RAPGEF1: variants seen among roughly 807,000 people sequenced by gnomAD.
The protein encoded by RAPGEF1 is Rap guanine nucleotide exchange factor 1, also known as CRK SH3-binding GNRP.
A neutral mutation model predicts 143.3 loss-of-function variants in RAPGEF1; 33 were observed. That is an observed-to-expected ratio of 0.23 (90% confidence interval 0.17 to 0.31). The LOEUF is 0.31. RAPGEF1 is among the 10% of genes least tolerant of loss of function. The pLI is 1.00. For missense variants in RAPGEF1, 1,199 were observed against 1,645.4 expected (o/e 0.73, Z 4.69); for synonymous variants, 629 against 676.5 (o/e 0.93, Z 1.09).
At chr9:131,666,433 C>G (rs2130660944) in intron 1 of RAPGEF1, among the ~76,000 whole-genome samples, 1 of 152,124 alleles carries the variant, frequency 6.6e-6, no homozygotes, top group East Asian at 1.9e-4. Flanking sequence ...GTCCCCCAGA[C>G]TGGAGTGCAG....
chr9:131,613,345 G>A (rs548402163), intron 12 of RAPGEF1, among the ~76,000 whole-genome samples: 3 of 152,264 alleles, frequency 2.0e-5, no homozygotes, highest in Non-Finnish European at 2.9e-5. Context: ...GGACAGGTTC[G>A]TGGTAAGGTG....
intron 1 of RAPGEF1, among the ~76,000 whole-genome samples, chr9:131,653,558 G>A (rs1380492032): frequency 2.0e-4 from 31 of 152,164 alleles, no homozygotes; most frequent in Admixed American, 1.9e-3. Context: ...ATGGAAAGAC[G>A]GTCAACATAA....
intron 1 of RAPGEF1, 102 bp downstream of exon 1, chr9:131,739,668 C>G: frequency 1.1e-6 from 1 of 894,348 alleles, no homozygotes; most frequent in Non-Finnish European, 1.4e-6. Flanking sequence ...CCCCGGCGCA[C>G]GGAGGGCCGC....
chr9:131,615,275 C>T lies in RAPGEF1; in HGVS notation c.2061+3776G>A, dbSNP rs192498023. Among the ~76,000 whole-genome samples, 14 of 152,328 alleles carry T rather than the reference C, an allele frequency of 9.2e-5. No individual in the cohort carries two copies. The East Asian group carries it at 1.2e-3, about 13-fold the overall frequency. On this transcript the variant is annotated intron_variant, in intron 12 of 26. Transcript: ENST00000683357. The stretch of plus-strand genomic sequence containing the variant: ...ATTTTCAGTAGAGCCGGGGTTTCAC[C>T]GTCTTAGCCGGGATGGTCTTGATTT...
At chr9:131,656,306 G>T (rs1478688467) in intron 1 of RAPGEF1, among the ~76,000 whole-genome samples, 1 of 152,158 alleles carries the variant, frequency 6.6e-6, no homozygotes, top group East Asian at 1.9e-4. Context: ...TAGCCTATTA[G>T]TCTATTTCCC....
In RAPGEF1 at chr9:131,650,998, ATGGTTCAT is replaced by A. The variant is rs775701984; in HGVS notation, c.62-57_62-50del. On this transcript the variant is annotated intron_variant, in intron 1 of 26. Transcript: ENST00000683357. The surrounding 1 kb of genome is among the most constrained non-coding windows in gnomAD (Gnocchi z 4.7). ...TGTTAGATGGGAGTGGGAAGAAGCG[ATGGTTCAT>A]TGACCTTTTGTGGAAATGAGCAATG... 1.8e-5 allele frequency: 28 copies of A among 1,590,050 alleles called. No individual in the cohort carries two copies. The highest frequency in any genetic ancestry group is 2.4e-5 in the Non-Finnish European group (28 of 1,165,052).
chr9:131,620,428 C>T (rs1960524596), intron 11 of RAPGEF1, among the ~76,000 whole-genome samples: 1 of 152,166 alleles, frequency 6.6e-6, no homozygotes. Context: ...TCTAACCAAA[C>T]ATTTTAGGCA....
At chr9:131,688,923 C>A (rs1833573518) in intron 1 of RAPGEF1, among the ~76,000 whole-genome samples, 1 of 152,084 alleles carries the variant, frequency 6.6e-6, no homozygotes, top group Non-Finnish European at 1.5e-5. Context: ...AACAAGGAAA[C>A]AATAAGCTTC....
At chr9:131,721,400 T>C (rs1836254929) in intron 1 of RAPGEF1, among the ~76,000 whole-genome samples, 3 of 152,104 alleles carry the variant, frequency 2.0e-5, no homozygotes, top group South Asian at 4.1e-4. Context: ...GATATCTAAC[T>C]AAGAGGCTAG....
intron 1 of RAPGEF1, among the ~76,000 whole-genome samples, chr9:131,688,930 C>T (rs1833574235): frequency 6.6e-6 from 1 of 152,116 alleles, no homozygotes; most frequent in Non-Finnish European, 1.5e-5. Flanking sequence ...AAACAATAAG[C>T]TTCACCTTGG....
At chr9:131,600,618 T>C (rs1956112265) in intron 15 of RAPGEF1, among the ~76,000 whole-genome samples, 1 of 152,152 alleles carries the variant, frequency 6.6e-6, no homozygotes, top group East Asian at 1.9e-4. Context: ...TGCTGAGCCC[T>C]GATAATGACA....
chr9:131,737,510 C>T, intron 1 of RAPGEF1: 1 of 1,613,034 alleles, frequency 6.2e-7, no homozygotes, highest in Non-Finnish European at 8.5e-7. Context: ...ATCTACAACC[C>T]CCTAGCAGAA....
At chr9:131,626,530 G>T in intron 9 of RAPGEF1, 108 bp from the exon 10 acceptor site, 1 of 1,134,392 alleles carries the variant, frequency 8.8e-7, no homozygotes, top group Non-Finnish European at 1.2e-6. Flanking sequence ...GTGTGACAAA[G>T]ACCTGTCTCC....
intron 11 of RAPGEF1, among the ~76,000 whole-genome samples, chr9:131,620,236 G>A (rs1454253196): frequency 1.3e-5 from 2 of 151,654 alleles, no homozygotes; most frequent in African/African-American, 4.9e-5. Context: ...ATGGCAAATG[G>A]GCCGAAAATA....
Position 131,675,018 on chromosome 9 carries a change from T to C in RAPGEF1, c.62-24069A>G, listed in dbSNP as rs899041692. On this transcript the variant is annotated intron_variant, in intron 1 of 26. Coordinates refer to ENST00000683357, the MANE Select transcript of RAPGEF1 (RefSeq NM_001377935.1). This position sits in a 1 kb window ranked among gnomAD's most constrained non-coding sequence, Gnocchi z 4.6. Reference sequence around the variant, plus strand: ...GATGTGCAGGGACACTGGGGGGTTCTGGAGGAGCAGCTGGGAGGGAGGGAG... The same window carrying C: ...GATGTGCAGGGACACTGGGGGGTTCCGGAGGAGCAGCTGGGAGGGAGGGAG... Among the ~76,000 whole-genome samples the C allele has an allele frequency of 6.6e-6, 1 of 151,990 alleles. No homozygotes were observed. The highest frequency in any genetic ancestry group is 1.5e-5 in the Non-Finnish European group (1 of 67,990).
At position 131,627,213 on chromosome 9, in the gene RAPGEF1, C is replaced by CAAAAAAAAAAAAAAAAAAA. The variant is rs10690802; in HGVS notation, c.1201+681_1201+699dup. Among the ~76,000 whole-genome samples, 8 of 97,400 alleles carry CAAAAAAAAAAAAAAAAAAA rather than the reference C, an allele frequency of 8.2e-5. 1 individual carries two copies. The highest frequency in any genetic ancestry group is 5.7e-4 in the Admixed American group (5 of 8,714). 63.9% of individuals were successfully genotyped at this position (97,400 alleles called of 152,430 possible). On this transcript the variant is annotated intron_variant, in intron 9 of 26. Transcript: ENST00000683357. ...TGGGTGACAGAGTGAGGCTCTGTCT[C>CAAAAAAAAAAAAAAAAAAA]AAAAAAAAAAAAAAAAAAAAAAAAA...
intron 1 of RAPGEF1, among the ~76,000 whole-genome samples, chr9:131,681,584 C>T (rs902663492): frequency 3.9e-5 from 6 of 152,220 alleles, no homozygotes; most frequent in Non-Finnish European, 8.8e-5. Context: ...TCGAGCTTGT[C>T]TAACTCCTGC....
intron 1 of RAPGEF1, among the ~76,000 whole-genome samples, chr9:131,691,675 T>C (rs1174143621): frequency 6.6e-6 from 1 of 152,136 alleles, no homozygotes; most frequent in African/African-American, 2.4e-5. Context: ...CTCTAATAAC[T>C]TTAAGATCAT....
intron 12 of RAPGEF1, among the ~76,000 whole-genome samples, chr9:131,613,149 T>C (rs911724863): frequency 1.3e-5 from 2 of 152,256 alleles, no homozygotes; most frequent in African/African-American, 4.8e-5. Context: ...CTTTTCATCC[T>C]TGTAACAACC....
Sources: allele counts gnomAD v4.1 joint callset (sites outside exome capture counted in the v4.1 genomes callset), GRCh38; gene constraint gnomAD v4.1.1; non-coding constraint Gnocchi (gnomAD v3.1); transcripts MANE v1.5; gene names NCBI Gene and HGNC (gene_info 2026-07-23, HGNC 2026-07-21).